AGO1: variants seen among roughly 807,000 people sequenced by gnomAD.
AGO1 encodes protein argonaute-1.
AGO1 carries 11 observed loss-of-function variants against 109.2 expected under a neutral mutation model. That is an observed-to-expected ratio of 0.10 (90% CI 0.06 to 0.17). The LOEUF is 0.17. Among genes scored for constraint, AGO1 ranks in the 10% least tolerant of loss-of-function variants. AGO1 has a pLI of 1.00. For synonymous variants in AGO1, 422 were observed against 418.6 expected (o/e 1.01, Z -0.10); for missense variants, 574 against 1,140.3 (o/e 0.50, Z 7.15).
At chr1:35,905,826 A>G (rs1439899222) in intron 11 of AGO1, among the ~76,000 whole-genome samples, 1 of 152,210 alleles carries the variant, frequency 6.6e-6, no homozygotes, top group South Asian at 2.1e-4. Flanking sequence ...AGGCTACTCA[A>G]TTTATATACC....
At chr1:35,899,115 A>G (rs661233) in intron 8 of AGO1, among the ~76,000 whole-genome samples, 35,647 of 152,132 alleles carry the variant, frequency 0.23, 6,879 homozygotes, top group East Asian at 0.69. Context: ...GACCACTGTA[A>G]GTACCTCAAA....
chr1:35,879,287 A>G (rs1281484965), upstream of AGO1, among the ~76,000 whole-genome samples: 3 of 151,560 alleles, frequency 2.0e-5, no homozygotes, highest in African/African-American at 7.3e-5. Flanking sequence ...TGTCTATATT[A>G]AAAATACAAA....
At position 35,883,413 on chromosome 1, in the gene AGO1, G is replaced by T. The variant is rs1312478731; in HGVS notation, c.-9G>T. On this transcript the variant is annotated 5_prime_UTR_variant, in exon 1 of 19. Transcript: ENST00000373204. This position sits in a 1 kb window ranked among gnomAD's most constrained non-coding sequence, Gnocchi z 5.4. ...TCCGGGCCGCCTGACCTCCGCACGG[G>T]TATATGGGATGGAAGCGGGACCCTC... 2 of 1,579,120 alleles carry T rather than the reference G, an allele frequency of 1.3e-6. No individual in the cohort carries two copies. The highest frequency in any genetic ancestry group is 1.1e-5 in the South Asian group (1 of 88,228).
At chr1:35,879,179 G>GT (rs745707961), upstream of AGO1, among the ~76,000 whole-genome samples, 52 of 152,348 alleles carry the variant, frequency 3.4e-4, no homozygotes, top group Middle Eastern at 0.01. Flanking sequence ...GCTGAGCACG[G>GT]TGGCTTATGC....
At chr1:35,916,513 A>G (rs1332842666) in intron 15 of AGO1, among the ~76,000 whole-genome samples, 1 of 152,050 alleles carries the variant, frequency 6.6e-6, no homozygotes, top group Admixed American at 6.6e-5. Context: ...GGCTATAGGT[A>G]TGAGTCACCA....
chr1:35,903,286 A>G (rs1232736070), intron 11 of AGO1, among the ~76,000 whole-genome samples: 3 of 149,812 alleles, frequency 2.0e-5, no homozygotes, highest in Non-Finnish European at 4.4e-5. Context: ...GATTATAGGC[A>G]TGAGCCACTG....
intron 14 of AGO1, 152 bp downstream of exon 14, chr1:35,914,426 C>A: frequency 1.6e-6 from 1 of 639,474 alleles, no homozygotes; most frequent in Non-Finnish European, 2.8e-6. Flanking sequence ...CCCTTGATAT[C>A]TCATAAAGGT....
At chr1:35,918,956 A>T in intron 17 of AGO1, 99 bp from the exon 18 acceptor site, 1 of 1,123,922 alleles carries the variant, frequency 8.9e-7, no homozygotes, top group Non-Finnish European at 1.3e-6. Context: ...TCATGGGTGA[A>T]TTATCTACCC....
In AGO1 at chr1:35,927,408, A is replaced by G. The variant is rs1645951578; in HGVS notation, c.*7801A>G. On this transcript the variant is annotated 3_prime_UTR_variant, in exon 19 of 19. Coordinates refer to ENST00000373204, the MANE Select transcript of AGO1 (RefSeq NM_012199.5). ...AAATTTTTTTGCTCTGCCATCCTCC[A>G]TGTTTATCCTCACGCCAGTTCGCCT... The G allele has an allele frequency of 6.6e-6, 1 of 152,092 alleles. No homozygotes were observed. The highest frequency in any genetic ancestry group is 2.4e-5 in the African/African-American group (1 of 41,392). The allele number at this position is 152,092 out of a possible 1,614,324, so 9.4% of individuals were successfully genotyped here.
intron 2 of AGO1, among the ~76,000 whole-genome samples, chr1:35,892,171 C>T (rs144339695): frequency 1.3e-5 from 2 of 152,344 alleles, no homozygotes; most frequent in African/African-American, 4.8e-5. Flanking sequence ...AGGTGTGAGC[C>T]ACCATACTTA....
chr1:35,883,539 G>A lies in AGO1; in HGVS notation c.25+93G>A. 7.0e-7 allele frequency: 1 copy of A among 1,438,214 alleles called. No homozygotes were observed. The highest frequency in any genetic ancestry group is 9.1e-7 in the Non-Finnish European group (1 of 1,095,410). 89.1% of individuals were successfully genotyped at this position (1,438,214 alleles called of 1,614,324 possible). Reference sequence around the variant, plus strand: ...GTTTCCAAGTGATGGAAGCGCTCCTGAGTGAGGAGAAGGGCTCTCCCACGA... The same window carrying A: ...GTTTCCAAGTGATGGAAGCGCTCCTAAGTGAGGAGAAGGGCTCTCCCACGA... On this transcript the variant is annotated intron_variant, in intron 1 of 18. Coordinates refer to ENST00000373204, the MANE Select transcript of AGO1 (RefSeq NM_012199.5). This position sits in a 1 kb window ranked among gnomAD's most constrained non-coding sequence, Gnocchi z 5.4.
intron 7 of AGO1, among the ~76,000 whole-genome samples, 193 bp from the exon 8 acceptor site, chr1:35,894,929 T>A (rs1645291679): frequency 6.6e-6 from 1 of 152,174 alleles, no homozygotes; most frequent in Non-Finnish European, 1.5e-5. Context: ...GCCCTGTATG[T>A]CCTGTTTTCC....
At chr1:35,878,834 G>T (rs1176965021), upstream of AGO1, among the ~76,000 whole-genome samples, 28 of 151,268 alleles carry the variant, frequency 1.9e-4, no homozygotes, top group Admixed American at 1.7e-3. Context: ...TTATTTTTTT[G>T]AATCCTTTTA....
rs1382173701 is a variant in AGO1 at position 35,902,077 on chromosome 1, A to G, written c.1263+7A>G. On this transcript the variant is annotated splice_region_variant and intron_variant, in intron 10 of 18. Transcript: ENST00000373204. The stretch of plus-strand genomic sequence containing the variant: ...CTTGCAGTACGGCGGCCGGGTGAGC[A>G]GGGTCAGGGCCAGACAACATCTCGG... 4.4e-6 allele frequency: 7 copies of G among 1,598,046 alleles called. No homozygotes were observed. The East Asian group carries it at 1.1e-4, about 25-fold the overall frequency.
rs773266381 is a variant in AGO1, at chr1:35,902,230, G to T, written c.1290G>T (p.Gln430His). The T allele has an allele frequency of 2.5e-6, 4 of 1,614,006 alleles. No individual in the cohort carries two copies. ...ACCGGGCCATTGCCACACCCAATCA[G>T]GGTGTCTGGGACATGCGGGGGAAAC... ...GRNRAIATPN[Q>H]GVWDMRGKQF... The change falls in exon 11 of 19, where the codon CAG (glutamine) becomes CAT (histidine). Residue 430 changes from glutamine to histidine, a missense_variant. By Grantham distance (24) the Gln-to-His change is conservative. Coordinates refer to ENST00000373204, the MANE Select transcript of AGO1 (RefSeq NM_012199.5).
rs1645154505 is a variant in AGO1, at chr1:35,888,399, T to C, written c.26-28T>C. 1 of 1,611,358 alleles carries C rather than the reference T, an allele frequency of 6.2e-7. No individual in the cohort carries two copies. Among genetic ancestry groups the C allele is most frequent in the Non-Finnish European group, 8.5e-7 (1 of 1,178,458 alleles). Reference sequence around the variant, plus strand: ...GAGTAGTTAGGAGATTGCCAGACTTTACCCTCACCAGCCTCTTTGTCTTGT... The same window carrying C: ...GAGTAGTTAGGAGATTGCCAGACTTCACCCTCACCAGCCTCTTTGTCTTGT... On this transcript the variant is annotated intron_variant, in intron 1 of 18. Transcript: ENST00000373204. This position sits in a 1 kb window ranked among gnomAD's most constrained non-coding sequence, Gnocchi z 4.1.
chr1:35,894,951 A>G (rs1035016940), intron 7 of AGO1, among the ~76,000 whole-genome samples, 171 bp from the exon 8 acceptor site: 4 of 152,156 alleles, frequency 2.6e-5, no homozygotes, highest in Non-Finnish European at 4.4e-5. Context: ...ATGAGTGGCA[A>G]TGCTCAAAGA....
chr1:35,881,522 A>G (rs1036881550), upstream of AGO1, among the ~76,000 whole-genome samples: 1 of 152,122 alleles, frequency 6.6e-6, no homozygotes, highest in South Asian at 2.1e-4. Context: ...AGACTTCACT[A>G]TGTTGGCTAG....
At chr1:35,896,977 G>A (rs2148713096) in intron 8 of AGO1, among the ~76,000 whole-genome samples, 1 of 152,276 alleles carries the variant, frequency 6.6e-6, no homozygotes, top group South Asian at 2.1e-4. Flanking sequence ...TATAATTTAT[G>A]TTATGACTTA....
Sources: gnomAD v4.1 joint callset for allele counts (sites outside exome capture counted in the v4.1 genomes callset) on GRCh38, gnomAD v4.1.1 for gene constraint, Gnocchi (gnomAD v3.1) non-coding constraint, MANE v1.5 for transcripts, NCBI Gene and HGNC (gene_info 2026-07-23, HGNC 2026-07-21) for gene names.